Variants in HPGDS observed in about 807,000 individuals in gnomAD.
HPGDS encodes the protein hematopoietic prostaglandin D synthase, also known as GST class-sigma.
Under a neutral mutation model 23.1 loss-of-function variants are expected in HPGDS, and 26 were observed. That is an observed-to-expected ratio of 1.13 (90% CI 0.83 to 1.56). HPGDS has a LOEUF of 1.56. HPGDS is among the 40% of genes most tolerant of loss of function. The pLI, the probability that HPGDS is intolerant of heterozygous loss-of-function variation, is 0.00. For missense variants in HPGDS, 268 were observed against 236.4 expected (o/e 1.13, Z -0.88); for synonymous variants, 95 against 77.9 (o/e 1.22, Z -1.16).
At chr4:94,304,856 TG>T (rs2126035230) in intron 4 of HPGDS, among the ~76,000 whole-genome samples, 1 of 151,984 alleles carries the variant, frequency 6.6e-6, no homozygotes, top group African/African-American at 2.4e-5. Context: ...CTCTGGGAGG[TG>T]GTCTCTGTTA....
chr4:94,301,930 C>T (rs1283161638), intron 5 of HPGDS, among the ~76,000 whole-genome samples: 1 of 152,022 alleles, frequency 6.6e-6, no homozygotes, highest in Non-Finnish European at 1.5e-5. Context: ...TTTAGGATAG[C>T]TTTTTAAGTT....
intron 2 of HPGDS, among the ~76,000 whole-genome samples, chr4:94,325,742 G>T (rs766673313): frequency 5.3e-5 from 8 of 152,160 alleles, no homozygotes; most frequent in Non-Finnish European, 1.2e-4. Context: ...TGCTTCCTGG[G>T]TGAGGCAATA....
rs1721129735 is a variant in HPGDS at position 94,340,313 on chromosome 4, T to TTCTTTCTTTTTC, written c.-10+2481_-10+2482insGAAAAAGAAAGA. ...TCTTTCTTTCTTTCTTTCTTTCTCT[T>TTCTTTCTTTTTC]TTTTTTTTTTTTTTTTTTTTTTTTT... On this transcript the variant is annotated intron_variant, in intron 1 of 5. Transcript: ENST00000295256. Among the ~76,000 whole-genome samples, 3 of 17,610 alleles carry TTCTTTCTTTTTC rather than the reference T, an allele frequency of 1.7e-4. 1 individual carries two copies. Among genetic ancestry groups the TTCTTTCTTTTTC allele is most frequent in the Admixed American group, 1.4e-3 (2 of 1,456 alleles). 11.6% of individuals were successfully genotyped at this position (17,610 alleles called of 152,430 possible). A position where few individuals can be genotyped will look rare whatever the true frequency, so the allele number is the denominator to read the frequency against.
rs139626094 is a variant in HPGDS at position 94,328,744 on chromosome 4, G to A, written c.133+5753C>T. The stretch of plus-strand genomic sequence containing the variant: ...GAAACATCATCTTTTTAATGACTAC[G>A]TAATACTTTGCCATGTGTATTGACC... On this transcript the variant is annotated intron_variant, in intron 2 of 5. Coordinates refer to ENST00000295256, the MANE Select transcript of HPGDS (RefSeq NM_014485.3). 1.2e-3 allele frequency among the ~76,000 whole-genome samples: 184 copies of A among 152,068 alleles called. 2 individuals are homozygous for A. In the East Asian group the frequency reaches 0.02, roughly 17 times the overall value.
rs140819706 is a variant in HPGDS, at chr4:94,302,838, A to T, written c.337-594T>A. ...AGTTATCCCCTCTTGATATATAAACAAATATTATTTAAAAATTAACATCCT... is the reference window on the plus strand; with the variant it reads ...AGTTATCCCCTCTTGATATATAAACTAATATTATTTAAAAATTAACATCCT... On this transcript the variant is annotated intron_variant, in intron 4 of 5. Coordinates refer to ENST00000295256, the MANE Select transcript of HPGDS (RefSeq NM_014485.3). 7.5e-3 allele frequency among the ~76,000 whole-genome samples: 1,142 copies of T among 152,224 alleles called. 7 individuals carry two copies. The highest frequency in any genetic ancestry group is 0.026 in the African/African-American group (1,066 of 41,562).
At chr4:94,325,399 A>G (rs1027060183) in intron 2 of HPGDS, among the ~76,000 whole-genome samples, 1 of 152,196 alleles carries the variant, frequency 6.6e-6, no homozygotes, top group Admixed American at 6.5e-5. Context: ...TGGAGTCTAC[A>G]GAGGCAGGTA....
At chr4:94,341,339 T>TA (rs1721168557) in intron 1 of HPGDS, among the ~76,000 whole-genome samples, 1 of 152,274 alleles carries the variant, frequency 6.6e-6, no homozygotes, top group African/African-American at 2.4e-5. Context: ...AAAAGCACAG[T>TA]AAAAAATAGT....
intron 2 of HPGDS, among the ~76,000 whole-genome samples, chr4:94,318,490 A>G (rs1756439954): frequency 6.6e-6 from 1 of 152,156 alleles, no homozygotes. Flanking sequence ...TGACCTAGTG[A>G]TCATTCAGGA....
chr4:94,311,205 G>C (rs572620188), intron 3 of HPGDS, among the ~76,000 whole-genome samples: 2 of 152,264 alleles, frequency 1.3e-5, no homozygotes, highest in South Asian at 2.1e-4. Flanking sequence ...GGGCATCCCT[G>C]TCTTGTGCCA....
At chr4:94,320,588 C>T (rs191933660) in intron 2 of HPGDS, among the ~76,000 whole-genome samples, 3,789 of 152,134 alleles carry the variant, frequency 0.025, 105 homozygotes, top group African/African-American at 0.075. Flanking sequence ...TCATATCCTT[C>T]GCCCACTTTT....
intron 2 of HPGDS, among the ~76,000 whole-genome samples, chr4:94,320,690 A>T (rs1756487972): frequency 6.6e-6 from 1 of 152,004 alleles, no homozygotes; most frequent in Non-Finnish European, 1.5e-5. Flanking sequence ...AGATTGCAAA[A>T]TTTTTCTCCC....
chr4:94,313,325 C>G (rs1041568707), intron 3 of HPGDS, among the ~76,000 whole-genome samples: 1 of 152,154 alleles, frequency 6.6e-6, no homozygotes, highest in East Asian at 1.9e-4. Flanking sequence ...TCTTGTAGGG[C>G]AGGCCTAATG....
chr4:94,323,746 G>A (rs189071971), intron 2 of HPGDS, among the ~76,000 whole-genome samples: 157 of 152,190 alleles, frequency 1.0e-3, no homozygotes, highest in African/African-American at 3.7e-3. Flanking sequence ...TTTAATTGGA[G>A]CATTTAGGCC....
intron 3 of HPGDS, among the ~76,000 whole-genome samples, chr4:94,311,194 A>G (rs1402563529): frequency 1.3e-5 from 2 of 152,138 alleles, no homozygotes; most frequent in African/African-American, 2.4e-5. Flanking sequence ...GTGGTGTGAG[A>G]GGGCATCCCT....
At chr4:94,305,358 A>AT (rs1352509511) in intron 4 of HPGDS, among the ~76,000 whole-genome samples, 1 of 152,072 alleles carries the variant, frequency 6.6e-6, no homozygotes, top group Non-Finnish European at 1.5e-5. Context: ...GGCTAGGCCT[A>AT]TATATATACG....
chr4:94,310,077 G>A (rs1035818101), intron 3 of HPGDS, among the ~76,000 whole-genome samples: 1 of 152,078 alleles, frequency 6.6e-6, no homozygotes, highest in African/African-American at 2.4e-5. Flanking sequence ...CCATTCTGTA[G>A]GTTGCCTGTT....
chr4:94,301,057 A>G (rs1756031212), intron 5 of HPGDS, among the ~76,000 whole-genome samples: 1 of 152,278 alleles, frequency 6.6e-6, no homozygotes, highest in South Asian at 2.1e-4. Context: ...GGAGAGGAGC[A>G]TTTTAGTAAA....
chr4:94,328,914 C>T (rs1756686487), intron 2 of HPGDS, among the ~76,000 whole-genome samples: 1 of 152,140 alleles, frequency 6.6e-6, no homozygotes, highest in Admixed American at 6.5e-5. Context: ...CTTTCATATG[C>T]ACACCTAAAT....
rs550858317 is a variant in HPGDS, at chr4:94,312,101, A to T, written c.227-3358T>A. Among the ~76,000 whole-genome samples the T allele has an allele frequency of 2.1e-4, 32 of 152,136 alleles. No individual in the cohort carries two copies. In the South Asian group the frequency reaches 3.5e-3, roughly 17 times the overall value. On this transcript the variant is annotated intron_variant, in intron 3 of 5. Coordinates refer to ENST00000295256, the MANE Select transcript of HPGDS (RefSeq NM_014485.3). ...TTTCAAAAAATAAGCTCCTGGATTC[A>T]TTGATTTTTTGAAGGGTTTTTTGTG...
Sources: gnomAD v4.1 joint callset for allele counts (sites outside exome capture counted in the v4.1 genomes callset) on GRCh38, gnomAD v4.1.1 for gene constraint, MANE v1.5 for transcripts, NCBI Gene and HGNC (gene_info 2026-07-23, HGNC 2026-07-21) for gene names.